The following MCTP2 variants were observed in gnomAD, a reference collection of about 807,000 sequenced individuals.
MCTP2 encodes multiple C2 and transmembrane domain-containing protein 2.
MCTP2 carries 132 observed loss-of-function variants against 111.6 expected under a neutral mutation model. The observed-to-expected ratio is 1.18, with a 90% CI of 1.03 to 1.37. The LOEUF is 1.37. MCTP2 is among the 40% of genes most tolerant of loss of function. MCTP2 has a pLI of 0.00. For synonymous variants in MCTP2, 395 were observed against 387.7 expected (o/e 1.02, Z -0.22); for missense variants, 1,183 against 1,067.9 (o/e 1.11, Z -1.50).
chr15:94,350,406 G>GGT (rs1317855448), intron 8 of MCTP2, among the ~76,000 whole-genome samples: 1 of 152,160 alleles, frequency 6.6e-6, no homozygotes, highest in Non-Finnish European at 1.5e-5. Flanking sequence ...TCGCCAACAT[G>GGT]GTGAAACCCT....
At chr15:94,404,823 A>C (rs1424881261) in intron 17 of MCTP2, among the ~76,000 whole-genome samples, 4 of 152,076 alleles carry the variant, frequency 2.6e-5, no homozygotes, top group African/African-American at 9.7e-5. Context: ...TCTTTCTGCA[A>C]AATGTTGGAT....
intron 1 of MCTP2, among the ~76,000 whole-genome samples, chr15:94,236,123 G>A (rs74034451): frequency 0.027 from 4,161 of 152,120 alleles, 189 homozygotes; most frequent in African/African-American, 0.094. Flanking sequence ...ATTACCCAGC[G>A]GGGAGTGATG....
intron 17 of MCTP2, among the ~76,000 whole-genome samples, chr15:94,417,335 A>G (rs2082420602): frequency 6.6e-6 from 1 of 152,170 alleles, no homozygotes. Flanking sequence ...ACTAAAATTT[A>G]GAAGCATCTT....
At chr15:94,385,625 A>C (rs2080419021) in intron 14 of MCTP2, 100 bp downstream of exon 14, 2 of 806,008 alleles carry the variant, frequency 2.5e-6, no homozygotes, top group African/African-American at 1.7e-5. Context: ...GGGGGAAAAA[A>C]ATCCTCCTAA....
intron 1 of MCTP2, among the ~76,000 whole-genome samples, chr15:94,296,819 G>C (rs1241691604): frequency 6.6e-6 from 1 of 152,194 alleles, no homozygotes; most frequent in Non-Finnish European, 1.5e-5. Context: ...GAGAGGCCAA[G>C]CTCTTAATCT....
intron 14 of MCTP2, among the ~76,000 whole-genome samples, chr15:94,390,089 T>TATATATATATATATATATATATAC (rs1567602819): frequency 3.7e-4 from 5 of 13,606 alleles, no homozygotes; most frequent in African/African-American, 7.5e-4. Flanking sequence ...TATATATATA[T>TATATATATATATATATATATATAC]GTATATATAT....
rs199560639 is a variant in MCTP2, at chr15:94,412,290, C to CT, written c.2085+10284dup. On this transcript the variant is annotated intron_variant, in intron 17 of 22. Transcript: ENST00000357742. ...ATATACACAGGATCCTTGGACTCTG[C>CT]TTTTTTTTTTTTTAGGTACATTTTC... 6.4e-3 allele frequency among the ~76,000 whole-genome samples: 906 copies of CT among 140,656 alleles called. 2 individuals carry two copies. The highest frequency in any genetic ancestry group is 0.022 in the Middle Eastern group (6 of 272). The allele number at this position is 140,656 out of a possible 152,430, so 92.3% of individuals were successfully genotyped here. A position where few individuals can be genotyped will look rare whatever the true frequency, so the allele number is the denominator to read the frequency against.
intron 19 of MCTP2, among the ~76,000 whole-genome samples, chr15:94,456,279 A>C (rs1298572179): frequency 6.6e-6 from 1 of 152,178 alleles, no homozygotes; most frequent in African/African-American, 2.4e-5. Context: ...ATACTAACTC[A>C]TGCTTTCTTC....
At chr15:94,439,742 A>G (rs991591194) in intron 17 of MCTP2, among the ~76,000 whole-genome samples, 2 of 152,228 alleles carry the variant, frequency 1.3e-5, no homozygotes, top group Non-Finnish European at 2.9e-5. Flanking sequence ...CACTTTAACA[A>G]AAGTTTGGAA....
intron 9 of MCTP2, 108 bp downstream of exon 9, chr15:94,356,409 C>T (rs2078628234): frequency 9.8e-7 from 1 of 1,021,012 alleles, no homozygotes; most frequent in Non-Finnish European, 1.3e-6. Context: ...TTATGTTCAG[C>T]CCGCCTAACT....
intron 19 of MCTP2, 56 bp from the exon 20 acceptor site, chr15:94,458,081 A>G: frequency 1.1e-6 from 1 of 929,062 alleles, no homozygotes; most frequent in Non-Finnish European, 1.8e-6. Flanking sequence ...TATTTTCTGT[A>G]TCAGCATGAT....
intron 17 of MCTP2, among the ~76,000 whole-genome samples, chr15:94,420,430 T>C (rs1048391998): frequency 6.6e-6 from 1 of 152,160 alleles, no homozygotes; most frequent in Non-Finnish European, 1.5e-5. Context: ...ATTTTTCTGA[T>C]GGATCTGGAC....
At chr15:94,456,016 G>C (rs80102837) in intron 19 of MCTP2, among the ~76,000 whole-genome samples, 1 of 151,958 alleles carries the variant, frequency 6.6e-6, no homozygotes, top group African/African-American at 2.4e-5. Flanking sequence ...TTTTTTATTT[G>C]AAAATAATGT....
intron 1 of MCTP2, among the ~76,000 whole-genome samples, chr15:94,286,053 G>C (rs80016369): frequency 1.3e-5 from 2 of 152,302 alleles, no homozygotes; most frequent in Non-Finnish European, 2.9e-5. Context: ...ATGGTAGATA[G>C]GGAATCTGTG....
At chr15:94,327,492 T>C (rs1344807639) in intron 4 of MCTP2, among the ~76,000 whole-genome samples, 4 of 152,242 alleles carry the variant, frequency 2.6e-5, no homozygotes, top group Non-Finnish European at 5.9e-5. Flanking sequence ...TTCAGTCCTT[T>C]TTATTTTGCA....
rs1291162991 is a variant in MCTP2, at chr15:94,399,957, A to T, written c.1927A>T (p.Lys643Ter). The T allele has an allele frequency of 6.2e-7, 1 of 1,613,862 alleles. No homozygotes were observed. The change falls in exon 16 of 23, where the codon AAG becomes TAG. Residue 643 changes from lysine to a stop codon, truncating the protein, a stop_gained. Transcript: ENST00000357742. LOFTEE classifies it high-confidence loss of function. ...ASIRTFTPRE[K>*]RFVEDSRKLS... ...TATTAGGACTTTTACTCCCCGGGAA[A>T]AGCGCTTTGTTGAAGACAGCCGCAA...
intron 9 of MCTP2, among the ~76,000 whole-genome samples, chr15:94,357,901 C>A (rs763266023): frequency 6.6e-6 from 1 of 152,178 alleles, no homozygotes; most frequent in Non-Finnish European, 1.5e-5. Flanking sequence ...TTTCAAGTCA[C>A]TCTCGTTAAT....
chr15:94,467,449 TAA>T (rs1203417162), intron 20 of MCTP2, among the ~76,000 whole-genome samples: 2 of 107,096 alleles, frequency 1.9e-5, no homozygotes, highest in Non-Finnish European at 4.0e-5. Flanking sequence ...CAATGGAATA[TAA>T]AGTCTTTATT....
chr15:94,441,132 A>G (rs890876316), intron 18 of MCTP2, among the ~76,000 whole-genome samples: 4 of 152,308 alleles, frequency 2.6e-5, no homozygotes, highest in Middle Eastern at 3.4e-3. Flanking sequence ...CCCAAGAGTC[A>G]ATCAAACCCT....
Sources: gnomAD v4.1 joint callset for allele counts (sites outside exome capture counted in the v4.1 genomes callset) on GRCh38, gnomAD v4.1.1 for gene constraint, MANE v1.5 for transcripts, NCBI Gene and HGNC (gene_info 2026-07-23, HGNC 2026-07-21) for gene names.